The following EYS variants were observed in gnomAD, a reference collection of about 807,000 sequenced individuals.
The protein encoded by EYS is EGF-like photoreceptor maintenance factor.
Under a neutral mutation model 282.1 loss-of-function variants are expected in EYS, and 250 were observed. The ratio of observed to expected loss-of-function variants is 0.89; its 90% confidence interval spans 0.80 to 0.98. The LOEUF is 0.98. EYS is among the 50% of genes least tolerant of loss of function. The pLI is 0.00. For synonymous variants in EYS, 1,355 were observed against 1,282.9 expected, an observed-to-expected ratio of 1.06 and a Z score of -1.20; for missense variants, 4,016 against 3,709.0, an observed-to-expected ratio of 1.08 and a Z score of -2.15.
chr6:64,046,832 T>C (rs1394906118), intron 33 of EYS, among the ~76,000 whole-genome samples: 1 of 152,230 alleles, frequency 6.6e-6, no homozygotes, highest in Non-Finnish European at 1.5e-5. Flanking sequence ...CCCCTAGGAA[T>C]GAGGTATAGT....
At chr6:64,411,944 T>G in intron 28 of EYS, among the ~76,000 whole-genome samples, 2 of 151,516 alleles carry the variant, frequency 1.3e-5, no homozygotes, top group Non-Finnish European at 1.5e-5. Context: ...TATGTTTATA[T>G]ATGCATGCAT....
intron 31 of EYS, among the ~76,000 whole-genome samples, chr6:64,171,580 A>G (rs1345561138): frequency 6.6e-6 from 1 of 151,872 alleles, no homozygotes; most frequent in Admixed American, 6.6e-5. Context: ...ATTTTGAAGC[A>G]AAAGAAAACC....
intron 31 of EYS, among the ~76,000 whole-genome samples, chr6:64,214,533 A>C (rs1248940655): frequency 6.6e-6 from 1 of 152,128 alleles, no homozygotes; most frequent in Non-Finnish European, 1.5e-5. Flanking sequence ...AAATATATGC[A>C]ATTATTCATG....
intron 30 of EYS, among the ~76,000 whole-genome samples, chr6:64,271,466 G>A (rs1767937443): frequency 6.6e-6 from 1 of 151,998 alleles, no homozygotes; most frequent in African/African-American, 2.4e-5. Flanking sequence ...CTCATTTGTA[G>A]CATAATTAAA....
rs537745245 is a variant in EYS at position 65,638,315 on chromosome 6, A to G, written c.-333+1463T>C. Among the ~76,000 whole-genome samples the G allele has an allele frequency of 2.0e-5, 3 of 152,138 alleles. No homozygotes were observed. In the South Asian group the frequency reaches 6.2e-4, roughly 32 times the overall value. On this transcript the variant is annotated intron_variant, in intron 2 of 42. Transcript: ENST00000503581. ...TTGCTCACCCTCCAGTTGTCCGCATACCTCATTTTTTTAAGAGGCAGGACA... is the reference window on the plus strand; with the variant it reads ...TTGCTCACCCTCCAGTTGTCCGCATGCCTCATTTTTTTAAGAGGCAGGACA...
chr6:64,243,989 A>G (rs1023738380), intron 30 of EYS, among the ~76,000 whole-genome samples: 5 of 152,150 alleles, frequency 3.3e-5, no homozygotes, highest in African/African-American at 1.2e-4. Context: ...ATATCTAGAG[A>G]TGTAACTTAT....
chr6:64,929,419 T>C lies in EYS; in HGVS notation c.2381+16374A>G, dbSNP rs532098989. On this transcript the variant is annotated intron_variant, in intron 15 of 42. Coordinates refer to ENST00000503581, the MANE Select transcript of EYS (RefSeq NM_001142800.2). ...TCAAAATAAGGTCTTTAATACCTTT[T>C]CTGTTTATCACTGCCTGTCTTCAAA... is the stretch of plus-strand genomic sequence containing the variant. Among the ~76,000 whole-genome samples the C allele has an allele frequency of 2.0e-4, 31 of 152,276 alleles. No individual in the cohort carries two copies. In the South Asian group the frequency reaches 6.4e-3, roughly 32 times the overall value.
chr6:64,633,697 A>C (rs1752103404), intron 22 of EYS, among the ~76,000 whole-genome samples: 1 of 151,108 alleles, frequency 6.6e-6, no homozygotes, highest in Admixed American at 6.6e-5. Flanking sequence ...GCTTCCTCCT[A>C]CTCTGTTTGG....
intron 30 of EYS, among the ~76,000 whole-genome samples, chr6:64,273,057 C>G (rs1026682808): frequency 6.6e-6 from 1 of 152,078 alleles, no homozygotes; most frequent in African/African-American, 2.4e-5. Context: ...ATCTACAAAA[C>G]TTCCATTAAT....
intron 35 of EYS, among the ~76,000 whole-genome samples, chr6:63,952,419 A>T (rs1294835378): frequency 6.6e-6 from 1 of 152,170 alleles, no homozygotes; most frequent in Non-Finnish European, 1.5e-5. Context: ...TAATTCTTAC[A>T]GTGGAGGGTA....
chr6:64,194,310 CCTG>C (rs1765213358), intron 31 of EYS, among the ~76,000 whole-genome samples: 1 of 152,082 alleles, frequency 6.6e-6, no homozygotes, highest in African/African-American at 2.4e-5. Context: ...CTGAGTTTGT[CCTG>C]CTATTTTCTA....
chr6:64,808,133 C>A (rs1304475125), intron 22 of EYS, among the ~76,000 whole-genome samples: 2 of 151,408 alleles, frequency 1.3e-5, no homozygotes, highest in Non-Finnish European at 1.5e-5. Flanking sequence ...CCTTCCCTTC[C>A]CTTCCTGTTT....
At chr6:65,398,386 T>C (rs1001921547) in intron 7 of EYS, among the ~76,000 whole-genome samples, 7 of 152,012 alleles carry the variant, frequency 4.6e-5, no homozygotes, top group Non-Finnish European at 8.8e-5. Context: ...GAACATCCTA[T>C]TCAATAAATA....
At chr6:65,427,802 T>G (rs868445141) in intron 5 of EYS, among the ~76,000 whole-genome samples, 9 of 152,158 alleles carry the variant, frequency 5.9e-5, no homozygotes, top group South Asian at 4.1e-4. Flanking sequence ...ATGCAATATA[T>G]GATTTATTAT....
chr6:65,579,885 G>A (rs145716634), intron 2 of EYS, among the ~76,000 whole-genome samples: 6 of 152,150 alleles, frequency 3.9e-5, no homozygotes, highest in African/African-American at 9.6e-5. Flanking sequence ...GGAAGGAGAC[G>A]TTTCTCACTC....
intron 2 of EYS, among the ~76,000 whole-genome samples, chr6:65,626,246 A>C (rs1367552764): frequency 6.6e-6 from 1 of 152,218 alleles, no homozygotes; most frequent in Non-Finnish European, 1.5e-5. Flanking sequence ...TTGTATTTGT[A>C]GTTCATCAAG....
intron 26 of EYS, among the ~76,000 whole-genome samples, chr6:64,506,622 C>T (rs1777213948): frequency 6.6e-6 from 1 of 152,102 alleles, no homozygotes; most frequent in Non-Finnish European, 1.5e-5. Context: ...TTTAAAACTG[C>T]CTTACCTAGG....
intron 29 of EYS, among the ~76,000 whole-genome samples, chr6:64,347,601 A>G (rs1771458672): frequency 1.3e-5 from 2 of 150,438 alleles, no homozygotes; most frequent in Admixed American, 6.6e-5. Context: ...AAAGAAAAAA[A>G]AACTCTTACT....
At chr6:64,333,209 C>T (rs1323255307) in intron 29 of EYS, among the ~76,000 whole-genome samples, 1 of 152,068 alleles carries the variant, frequency 6.6e-6, no homozygotes, top group Non-Finnish European at 1.5e-5. Context: ...GTTTGAAGTC[C>T]AAATTGGTGA....
Sources: gnomAD v4.1 joint callset for allele counts (sites outside exome capture counted in the v4.1 genomes callset) on GRCh38, gnomAD v4.1.1 for gene constraint, MANE v1.5 for transcripts, NCBI Gene and HGNC (gene_info 2026-07-23, HGNC 2026-07-21) for gene names.